Variants in ADGRB1 observed in about 807,000 individuals in gnomAD.
The protein encoded by ADGRB1 is adhesion G protein-coupled receptor B1.
ADGRB1 carries 36 observed loss-of-function variants against 175.7 expected under a neutral mutation model. The ratio of observed to expected loss-of-function variants is 0.20; its 90% confidence interval spans 0.16 to 0.27. The LOEUF is 0.27. ADGRB1 is among the 10% of genes least tolerant of loss of function. The pLI, the probability that ADGRB1 is intolerant of heterozygous loss-of-function variation, is 1.00. For missense variants in ADGRB1, 1,731 were observed against 2,255.3 expected, an observed-to-expected ratio of 0.77 and a Z score of 4.71; for synonymous variants, 1,054 against 979.4, an observed-to-expected ratio of 1.08 and a Z score of -1.42.
Position 142,533,388 on chromosome 8 carries a change from C to T in ADGRB1, c.3492C>T (p.Leu1164=), listed in dbSNP as rs758652605. Reference sequence around the variant, plus strand: ...CCGTCACCGACCGCCGCTCCGCCCTCTTCCAGATCCTCTTCGCTGTCTTCG... The same window carrying T: ...CCGTCACCGACCGCCGCTCCGCCCTTTTCCAGATCCTCTTCGCTGTCTTCG... The part of the protein sequence containing the change: ...VLAVTDRRSA[L]FQILFAVFDS... The change falls in exon 25 of 31, where the codon CTC becomes CTT. Residue 1164 remains leucine, a synonymous_variant. Transcript: ENST00000517894. 6.2e-7 allele frequency: 1 copy of T among 1,612,168 alleles called. No homozygotes were observed. Among genetic ancestry groups the T allele is most frequent in the Admixed American group, 1.7e-5 (1 of 59,958 alleles).
intron 17 of ADGRB1, among the ~76,000 whole-genome samples, chr8:142,498,966 T>C (rs1842355599): frequency 6.6e-6 from 1 of 152,088 alleles, no homozygotes; most frequent in South Asian, 2.1e-4. Flanking sequence ...TCTCTCCCTC[T>C]CTTGGGAGCT....
At chr8:142,521,941 T>C in intron 20 of ADGRB1, 24 bp from the exon 21 acceptor site, 13 of 1,563,800 alleles carry the variant, frequency 8.3e-6, no homozygotes, top group Non-Finnish European at 1.1e-5. Context: ...CTGCCCAGCC[T>C]GCCCCGCCCT....
At chr8:142,458,318 G>A (rs1472551597) in intron 1 of ADGRB1, among the ~76,000 whole-genome samples, 1 of 152,210 alleles carries the variant, frequency 6.6e-6, no homozygotes, top group East Asian at 1.9e-4. Context: ...CCCAGGCCTG[G>A]TGGCAGGGTG....
At position 142,525,893 on chromosome 8, in the gene ADGRB1, T is replaced by G. The variant is rs558222524; in HGVS notation, c.3313-649T>G. ...GGGAGCAGAGAGTATGGCCTGAGAC[T>G]CCTCCTTCCCCCCAGCAGAGGAGGC... On this transcript the variant is annotated intron_variant, in intron 23 of 30. Coordinates refer to ENST00000517894, the MANE Select transcript of ADGRB1 (RefSeq NM_001702.3). Among the ~76,000 whole-genome samples, 30 of 152,050 alleles carry G rather than the reference T, an allele frequency of 2.0e-4. No individual in the cohort carries two copies. The South Asian group carries it at 5.8e-3, about 30-fold the overall frequency.
In ADGRB1 at chr8:142,464,101, C is replaced by A; in HGVS notation, c.-98C>A. The A allele has an allele frequency of 3.9e-6, 4 of 1,021,822 alleles. No homozygotes were observed. The highest frequency in any genetic ancestry group is 4.9e-6 in the Non-Finnish European group (4 of 808,726). 63.3% of individuals were successfully genotyped at this position (1,021,822 alleles called of 1,614,324 possible). Reference sequence around the variant, plus strand: ...CCCTTGCCCCGCCTCCCTGCCCCCACCGGGCCGGCCCTGCCCGCCGCCGGA... The same window carrying A: ...CCCTTGCCCCGCCTCCCTGCCCCCAACGGGCCGGCCCTGCCCGCCGCCGGA... On this transcript the variant is annotated 5_prime_UTR_variant, in exon 2 of 31. Transcript: ENST00000517894.
intron 24 of ADGRB1, among the ~76,000 whole-genome samples, chr8:142,531,907 G>T (rs1844644101): frequency 6.6e-6 from 1 of 152,170 alleles, no homozygotes; most frequent in Admixed American, 6.5e-5. Context: ...CTTGGGGGCT[G>T]GGCCCTGCAC....
rs535245347 is a variant in ADGRB1 at position 142,530,054 on chromosome 8, G to C, written c.3399-3241G>C. On this transcript the variant is annotated intron_variant, in intron 24 of 30. Transcript: ENST00000517894. ...CATCTCTGTGTGTGAGTGCAACCTG[G>C]TGTATATACATGTGAGTGTGCATCT... is the stretch of plus-strand genomic sequence containing the variant. Among the ~76,000 whole-genome samples, 3 of 152,064 alleles carry C rather than the reference G, an allele frequency of 2.0e-5. No homozygotes were observed. The East Asian group carries it at 5.8e-4, about 29-fold the overall frequency.
chr8:142,468,782 ACT>A (rs1171124166), intron 2 of ADGRB1, among the ~76,000 whole-genome samples: 1 of 152,056 alleles, frequency 6.6e-6, no homozygotes, highest in East Asian at 1.9e-4. Flanking sequence ...CTCTGGGCCC[ACT>A]CTCTGACCCT....
intron 24 of ADGRB1, among the ~76,000 whole-genome samples, chr8:142,530,448 A>G (rs1269678488): frequency 5.3e-5 from 8 of 152,116 alleles, no homozygotes; most frequent in Non-Finnish European, 1.2e-4. Context: ...CCCTCAACCC[A>G]AGGTGAGGGT....
intron 18 of ADGRB1, among the ~76,000 whole-genome samples, chr8:142,517,173 C>T (rs1843494168): frequency 6.6e-6 from 1 of 152,116 alleles, no homozygotes; most frequent in African/African-American, 2.4e-5. Flanking sequence ...GGGAGGCTGG[C>T]CAGGGGCAGG....
chr8:142,469,426 C>T (rs1463669365), intron 2 of ADGRB1, among the ~76,000 whole-genome samples: 2 of 127,560 alleles, frequency 1.6e-5, no homozygotes, highest in African/African-American at 6.1e-5. Context: ...AGTGTGTGCA[C>T]GTGTGAATGA....
At chr8:142,477,730 C>T (rs1841058658) in intron 6 of ADGRB1, among the ~76,000 whole-genome samples, 181 bp downstream of exon 6, 1 of 152,210 alleles carries the variant, frequency 6.6e-6, no homozygotes, top group South Asian at 2.1e-4. Flanking sequence ...GGGGCATTTC[C>T]CACCCATATC....
intron 1 of ADGRB1, among the ~76,000 whole-genome samples, chr8:142,461,651 G>A (rs985057842): frequency 1.3e-5 from 2 of 152,210 alleles, no homozygotes; most frequent in Non-Finnish European, 1.5e-5. Flanking sequence ...ATGCTATGGG[G>A]TGGAGCTGCC....
At chr8:142,484,939 G>A (rs1841584166) in intron 13 of ADGRB1, among the ~76,000 whole-genome samples, 175 bp downstream of exon 13, 1 of 152,240 alleles carries the variant, frequency 6.6e-6, no homozygotes, top group South Asian at 2.1e-4. Flanking sequence ...GGTTGATGAT[G>A]TGGCCTAGGA....
At chr8:142,514,882 T>C (rs1402020028) in intron 18 of ADGRB1, among the ~76,000 whole-genome samples, 1 of 152,076 alleles carries the variant, frequency 6.6e-6, no homozygotes. Context: ...CAGGGCTTAG[T>C]CTATGACTAG....
At chr8:142,513,730 T>TG (rs1208826223) in intron 18 of ADGRB1, among the ~76,000 whole-genome samples, 2 of 151,810 alleles carry the variant, frequency 1.3e-5, no homozygotes, top group East Asian at 3.9e-4. Flanking sequence ...AGGCTTGAAG[T>TG]GGGGTCCTGA....
chr8:142,489,905 C>T (rs899147389), intron 16 of ADGRB1, among the ~76,000 whole-genome samples: 14 of 152,238 alleles, frequency 9.2e-5, no homozygotes, highest in Admixed American at 8.5e-4. Flanking sequence ...AAGCCCCAGC[C>T]TCCAGGCCAC....
chr8:142,458,372 A>G (rs1436844127), intron 1 of ADGRB1, among the ~76,000 whole-genome samples: 1 of 152,060 alleles, frequency 6.6e-6, no homozygotes, highest in Non-Finnish European at 1.5e-5. Context: ...TGGCGGCGGG[A>G]GGCGGGTGCA....
intron 17 of ADGRB1, among the ~76,000 whole-genome samples, chr8:142,501,434 T>G (rs1842530260): frequency 8.6e-6 from 1 of 116,248 alleles, no homozygotes; most frequent in Non-Finnish European, 1.8e-5. Context: ...GTGGTGGTAG[T>G]GATGTTTGTG....
Sources: gnomAD v4.1 joint callset for allele counts (sites outside exome capture counted in the v4.1 genomes callset) on GRCh38, gnomAD v4.1.1 for gene constraint, MANE v1.5 for transcripts, NCBI Gene and HGNC (gene_info 2026-07-23, HGNC 2026-07-21) for gene names.